Variants in CDH23 observed in about 807,000 individuals in gnomAD.
The protein encoded by CDH23 is cadherin related 23.
Under a neutral mutation model 317.1 loss-of-function variants are expected in CDH23, and 189 were observed. The ratio of observed to expected loss-of-function variants is 0.60; its 90% CI spans 0.53 to 0.67. The LOEUF is 0.67. CDH23 is among the 30% of genes least tolerant of loss of function. CDH23 has a pLI of 0.00. For synonymous variants in CDH23, 1,839 were observed against 1,876.8 expected (o/e 0.98, Z 0.52); for missense variants, 4,401 against 4,592.4 (o/e 0.96, Z 1.20).
intron 9 of CDH23, among the ~76,000 whole-genome samples, chr10:71,604,226 G>A (rs1192281847): frequency 2.0e-5 from 3 of 152,194 alleles, no homozygotes; most frequent in Non-Finnish European, 2.9e-5. Context: ...AGGCTGCAAT[G>A]AGCTGATTGT....
At chr10:71,629,375 T>C (rs1861898490) in intron 11 of CDH23, among the ~76,000 whole-genome samples, 1 of 151,842 alleles carries the variant, frequency 6.6e-6, no homozygotes. Context: ...CCAGGCTCTG[T>C]GGATATCTGG....
chr10:71,515,207 G>C (rs944259713), intron 6 of CDH23, among the ~76,000 whole-genome samples: 1 of 152,190 alleles, frequency 6.6e-6, no homozygotes, highest in African/African-American at 2.4e-5. Flanking sequence ...GACAAGTTCA[G>C]CCTCCTTAGC....
At chr10:71,549,007 G>T (rs1037899403) in intron 6 of CDH23, among the ~76,000 whole-genome samples, 1 of 152,252 alleles carries the variant, frequency 6.6e-6, no homozygotes, top group African/African-American at 2.4e-5. Context: ...ACAGTGTTAG[G>T]TGATTAATTG....
intron 9 of CDH23, among the ~76,000 whole-genome samples, chr10:71,596,982 G>A (rs1859893243): frequency 1.3e-5 from 2 of 152,172 alleles, no homozygotes; most frequent in South Asian, 2.1e-4. Context: ...TTGAAGGACA[G>A]ATAATTAATC....
chr10:71,549,412 G>A (rs1856461526), intron 6 of CDH23, among the ~76,000 whole-genome samples: 1 of 152,256 alleles, frequency 6.6e-6, no homozygotes, highest in Admixed American at 6.5e-5. Context: ...GGACTCCAGA[G>A]AGGGGTCATC....
intron 60 of CDH23, among the ~76,000 whole-genome samples, chr10:71,808,994 G>A (rs1841827063): frequency 6.6e-6 from 1 of 151,994 alleles, no homozygotes; most frequent in Non-Finnish European, 1.5e-5. Flanking sequence ...TGTCCTCTGA[G>A]CTCTCACTGC....
intron 6 of CDH23, among the ~76,000 whole-genome samples, chr10:71,545,728 G>A (rs1856239810): frequency 6.6e-6 from 1 of 152,158 alleles, no homozygotes; most frequent in African/African-American, 2.4e-5. Context: ...CTGCTGGTGA[G>A]AAGGGCCACA....
rs764254196 is a variant in CDH23 at position 71,446,388 on chromosome 10, G to A, written c.138G>A (p.Thr46=). The stretch of plus-strand genomic sequence containing the variant: ...CATACCTGCTGATCAGCGAGGACAC[G>A]CCTGTGGGTGAGTGGGGGCATGGGC... ...FDTYLLISED[T]PVGSSVTQLL... Residue 46 remains threonine, a synonymous_variant, in exon 3 of 70, where the codon ACG becomes ACA. Transcript: ENST00000224721. 16 of 1,613,910 alleles carry A rather than the reference G, an allele frequency of 9.9e-6. No homozygotes were observed. The highest frequency in any genetic ancestry group is 8.3e-5 in the Admixed American group (5 of 60,010).
chr10:71,793,617 C>A lies in CDH23; in HGVS notation c.6689C>A (p.Ala2230Asp), dbSNP rs779637927. The change falls in exon 48 of 70, where the codon GCC (alanine) becomes GAC (aspartate). Residue 2230 changes from alanine to aspartate, a missense_variant. Physicochemically the swap from Ala to Asp is moderately radical, Grantham distance 126. This residue lies in a region of CDH23 where 3,068 missense variants were observed against 3,203.3 expected (regional missense o/e 0.96). Coordinates refer to ENST00000224721, the MANE Select transcript of CDH23 (RefSeq NM_022124.6). ...TDRLVPNQEDAFAVNINTGSV... is the reference protein window; with the variant it reads ...TDRLVPNQEDDFAVNINTGSV... ...CGCCTGGTGCCCAACCAGGAGGACG[C>A]CTTTGCTGTGAATATCAACACAGGT... 1.0e-5 allele frequency: 16 copies of A among 1,597,132 alleles called. No individual in the cohort carries two copies. The South Asian group carries it at 1.5e-4, about 15-fold the overall frequency.
chr10:71,403,395 C>CTT lies in CDH23; in HGVS notation c.-6+6079_-6+6080dup, dbSNP rs1223336296. Among the ~76,000 whole-genome samples the CTT allele has an allele frequency of 2.0e-5, 2 of 97,620 alleles. 1 individual carries two copies. Among genetic ancestry groups the CTT allele is most frequent in the Admixed American group, 2.1e-4 (2 of 9,388 alleles). The allele number at this position is 97,620 out of a possible 152,430, so 64.0% of individuals were successfully genotyped here. Reference sequence around the variant, plus strand: ...TCTTTCTTTCTTTCTTTCTTTCTTTCTTTCTTTCTTTCTCTTCCTTCCTTC... The same window carrying CTT: ...TCTTTCTTTCTTTCTTTCTTTCTTTCTTTTTCTTTCTTTCTCTTCCTTCCTTC... On this transcript the variant is annotated intron_variant, in intron 1 of 69. Transcript: ENST00000224721.
At chr10:71,697,433 C>T (rs1180993685) in intron 22 of CDH23, among the ~76,000 whole-genome samples, 1 of 152,158 alleles carries the variant, frequency 6.6e-6, no homozygotes, top group Non-Finnish European at 1.5e-5. Context: ...CTTTGGGAGG[C>T]CAAGGCAGGC....
chr10:71,633,833 C>A (rs1358080849), intron 11 of CDH23, among the ~76,000 whole-genome samples: 2 of 152,164 alleles, frequency 1.3e-5, no homozygotes, highest in Non-Finnish European at 2.9e-5. Flanking sequence ...ATCTCCTGTC[C>A]CCTCCACTCT....
chr10:71,732,636 C>A, intron 32 of CDH23: 4 of 1,392,602 alleles, frequency 2.9e-6, no homozygotes, highest in Non-Finnish European at 3.7e-6. Flanking sequence ...TTGTCTCTTA[C>A]AAAGAAACAA....
At chr10:71,564,460 G>A (rs1043205778) in intron 6 of CDH23, among the ~76,000 whole-genome samples, 1 of 152,194 alleles carries the variant, frequency 6.6e-6, no homozygotes, top group Non-Finnish European at 1.5e-5. Context: ...GGTTTTCACC[G>A]CAGGGCATGA....
intron 18 of CDH23, among the ~76,000 whole-genome samples, chr10:71,686,351 G>A (rs1864896076): frequency 6.6e-6 from 1 of 152,034 alleles, no homozygotes; most frequent in African/African-American, 2.4e-5. Context: ...GGACATCAGG[G>A]GAATCCTGAG....
chr10:71,446,506 C>A, intron 3 of CDH23, 111 bp downstream of exon 3: 2 of 1,133,846 alleles, frequency 1.8e-6, no homozygotes, highest in South Asian at 2.6e-5. Flanking sequence ...ATTTTGGAAT[C>A]TTTTCCATTG....
intron 1 of CDH23, among the ~76,000 whole-genome samples, chr10:71,426,250 A>G (rs73281865): frequency 0.02 from 3,011 of 152,234 alleles, 108 homozygotes; most frequent in African/African-American, 0.068. Flanking sequence ...GGCTGAGAAG[A>G]GCAGAGTTGA....
At chr10:71,631,974 G>A (rs4747174) in intron 11 of CDH23, among the ~76,000 whole-genome samples, 106,881 of 152,134 alleles carry the variant, frequency 0.7, 38,839 homozygotes, top group South Asian at 0.88. Context: ...GAGGTGGCTG[G>A]GGGTGGGAGA....
chr10:71,564,209 T>C (rs1389526525), intron 6 of CDH23, among the ~76,000 whole-genome samples: 1 of 152,184 alleles, frequency 6.6e-6, no homozygotes, highest in Admixed American at 6.5e-5. Flanking sequence ...TGCAGATCTG[T>C]GTGCATGTCT....
Sources: gnomAD v4.1 joint callset for allele counts (sites outside exome capture counted in the v4.1 genomes callset) on GRCh38, gnomAD v4.1.1 for gene constraint, gnomAD v4.1.1 regional missense constraint, MANE v1.5 for transcripts, NCBI Gene and HGNC (gene_info 2026-07-23, HGNC 2026-07-21) for gene names.